The following MOB3B variants were observed in gnomAD, a reference collection of about 807,000 sequenced individuals.
MOB3B encodes the protein MOB kinase activator 3B, also known as MOB kinase activator-like 2B.
MOB3B carries 7 observed loss-of-function variants against 18.7 expected under a neutral mutation model. The observed-to-expected ratio is 0.37, with a 90% CI of 0.21 to 0.70. MOB3B has a LOEUF of 0.70. Ranked by LOEUF, MOB3B falls within the 30% of genes least tolerant of loss-of-function variation. The pLI, the probability that MOB3B is intolerant of heterozygous loss-of-function variation, is 0.52. For synonymous variants in MOB3B, 111 were observed against 99.9 expected (o/e 1.11, Z -0.66); for missense variants, 253 against 281.3 (o/e 0.90, Z 0.72).
intron 1 of MOB3B, among the ~76,000 whole-genome samples, chr9:27,483,938 T>G (rs1819699313): frequency 2.6e-5 from 4 of 152,204 alleles, no homozygotes; most frequent in Non-Finnish European, 5.9e-5. Flanking sequence ...AAAATGCTGC[T>G]TTCCACTGGA....
At chr9:27,406,546 A>G (rs1217582357) in intron 2 of MOB3B, among the ~76,000 whole-genome samples, 1 of 152,220 alleles carries the variant, frequency 6.6e-6, no homozygotes, top group Non-Finnish European at 1.5e-5. Context: ...AGACACATAG[A>G]CCAATGCAAC....
At chr9:27,350,924 C>T (rs1343635325) in intron 3 of MOB3B, among the ~76,000 whole-genome samples, 2 of 143,744 alleles carry the variant, frequency 1.4e-5, no homozygotes, top group Non-Finnish European at 3.0e-5. Flanking sequence ...TTTTTTAAGA[C>T]GAAGTCTCGC....
rs1427480684 is a variant in MOB3B at position 27,328,095 on chromosome 9, C to A, written c.*2492G>T. ...AAAAAAGGAAGAAAAGAAAACAAGGCAAAACATTAACAACTGATGCACTAA... is the reference window on the plus strand; with the variant it reads ...AAAAAAGGAAGAAAAGAAAACAAGGAAAAACATTAACAACTGATGCACTAA... On this transcript the variant is annotated 3_prime_UTR_variant, in exon 4 of 4. Coordinates refer to ENST00000262244, the MANE Select transcript of MOB3B (RefSeq NM_024761.5). 5 of 150,490 alleles carry A rather than the reference C, an allele frequency of 3.3e-5. No homozygotes were observed. Among genetic ancestry groups the A allele is most frequent in the African/African-American group, 1.2e-4 (5 of 40,972 alleles). 9.3% of individuals were successfully genotyped at this position (150,490 alleles called of 1,614,324 possible).
intron 1 of MOB3B, among the ~76,000 whole-genome samples, chr9:27,500,738 A>C (rs553352945): frequency 6.6e-6 from 1 of 152,268 alleles, no homozygotes; most frequent in East Asian, 1.9e-4. Context: ...AAAAACCAAA[A>C]CTGTCAAATG....
At chr9:27,481,372 C>T (rs1819646460) in intron 1 of MOB3B, among the ~76,000 whole-genome samples, 1 of 152,132 alleles carries the variant, frequency 6.6e-6, no homozygotes, top group African/African-American at 2.4e-5. Context: ...ACTGAGTAAA[C>T]AGCCAGGTGT....
At chr9:27,467,873 C>T (rs539273942) in intron 1 of MOB3B, among the ~76,000 whole-genome samples, 1 of 152,350 alleles carries the variant, frequency 6.6e-6, no homozygotes, top group East Asian at 1.9e-4. Context: ...AACAGTCTGG[C>T]TTCCATAAGA....
At chr9:27,506,394 T>C (rs952204575) in intron 1 of MOB3B, among the ~76,000 whole-genome samples, 2 of 152,232 alleles carry the variant, frequency 1.3e-5, no homozygotes, top group African/African-American at 4.8e-5. Flanking sequence ...CCAGGCTATG[T>C]ACCTCTTGCC....
At chr9:27,498,648 A>G (rs1273863441) in intron 1 of MOB3B, among the ~76,000 whole-genome samples, 1 of 152,198 alleles carries the variant, frequency 6.6e-6, no homozygotes, top group African/African-American at 2.4e-5. Flanking sequence ...GAATGTTCTC[A>G]TCTAGGTCAA....
chr9:27,326,388 A>G lies in MOB3B; in HGVS notation c.*4199T>C, dbSNP rs1820712459. 2.5e-6 allele frequency: 1 copy of G among 398,316 alleles called. No homozygotes were observed. The highest frequency in any genetic ancestry group is 2.1e-5 in the African/African-American group (1 of 48,650). The allele number at this position is 398,316 out of a possible 1,614,324, so 24.7% of individuals were successfully genotyped here. On this transcript the variant is annotated 3_prime_UTR_variant, in exon 4 of 4. Transcript: ENST00000262244. The stretch of plus-strand genomic sequence containing the variant: ...GGATATGCAAATAAAGCTCTGATTA[A>G]TTGTATTTTCACTTATTATATATCA...
At chr9:27,367,055 A>G (rs1392871187) in intron 2 of MOB3B, among the ~76,000 whole-genome samples, 1 of 152,208 alleles carries the variant, frequency 6.6e-6, no homozygotes, top group East Asian at 1.9e-4. Context: ...GACGGTGTCC[A>G]GCCTCCTCAC....
chr9:27,521,646 G>A (rs776019425), intron 1 of MOB3B, among the ~76,000 whole-genome samples: 22 of 152,138 alleles, frequency 1.4e-4, no homozygotes, highest in Non-Finnish European at 2.5e-4. Flanking sequence ...TATGAGGTAT[G>A]TAAAAAGCCA....
At chr9:27,376,033 G>C (rs1299147705) in intron 2 of MOB3B, among the ~76,000 whole-genome samples, 2 of 152,098 alleles carry the variant, frequency 1.3e-5, no homozygotes, top group Admixed American at 6.5e-5. Flanking sequence ...GTAATATTTT[G>C]TTGTGTTATC....
At chr9:27,445,243 G>A (rs1302898781) in intron 2 of MOB3B, among the ~76,000 whole-genome samples, 5 of 152,072 alleles carry the variant, frequency 3.3e-5, no homozygotes, top group Non-Finnish European at 5.9e-5. Context: ...TGTGCATTAC[G>A]TCACTTAATT....
chr9:27,455,979 T>A (rs1219146957), intron 1 of MOB3B, among the ~76,000 whole-genome samples: 2 of 152,196 alleles, frequency 1.3e-5, no homozygotes, highest in African/African-American at 4.8e-5. Context: ...CTTTGTCAAA[T>A]CTCTACTGGC....
chr9:27,333,959 G>T (rs981036917), intron 3 of MOB3B, among the ~76,000 whole-genome samples: 1 of 152,074 alleles, frequency 6.6e-6, no homozygotes, highest in Admixed American at 6.5e-5. Flanking sequence ...CTTATATCTG[G>T]TAAATATTTT....
chr9:27,459,876 CAAAAAAA>C (rs35792761), intron 1 of MOB3B, among the ~76,000 whole-genome samples: 3 of 86,742 alleles, frequency 3.5e-5, no homozygotes, highest in Non-Finnish European at 4.6e-5. Flanking sequence ...TTTCAGTCTC[CAAAAAAA>C]AAAAAAAAAA....
At chr9:27,470,446 T>C (rs1345543905) in intron 1 of MOB3B, among the ~76,000 whole-genome samples, 3 of 152,176 alleles carry the variant, frequency 2.0e-5, no homozygotes, top group African/African-American at 4.8e-5. Context: ...GCTAAATCCC[T>C]GCCCCTGCCC....
At chr9:27,478,895 C>T (rs1819603625) in intron 1 of MOB3B, among the ~76,000 whole-genome samples, 1 of 150,998 alleles carries the variant, frequency 6.6e-6, no homozygotes, top group Non-Finnish European at 1.5e-5. Context: ...GAAAGTCATA[C>T]AAGCAACCAG....
Position 27,440,832 on chromosome 9 carries a change from G to T in MOB3B, c.418+14301C>A, listed in dbSNP as rs946759017. Reference sequence around the variant, plus strand: ...TGAATACTGATGTGAAATGCCATCAGTACTGGTGGGTAAATACCATAAAGC... The same window carrying T: ...TGAATACTGATGTGAAATGCCATCATTACTGGTGGGTAAATACCATAAAGC... On this transcript the variant is annotated intron_variant, in intron 2 of 3. Transcript: ENST00000262244. 4.6e-5 allele frequency among the ~76,000 whole-genome samples: 7 copies of T among 152,042 alleles called. No individual in the cohort carries two copies. In the East Asian group the frequency reaches 1.4e-3, roughly 29 times the overall value.
Sources: allele counts gnomAD v4.1 joint callset (sites outside exome capture counted in the v4.1 genomes callset), GRCh38; gene constraint gnomAD v4.1.1; transcripts MANE v1.5; gene names NCBI Gene and HGNC (gene_info 2026-07-23, HGNC 2026-07-21).